Variants in ITGB3BP observed in about 807,000 individuals in gnomAD.
ITGB3BP encodes the protein integrin subunit beta 3 binding protein, also known as centromere protein R.
ITGB3BP carries 27 observed loss-of-function variants against 29.1 expected under a neutral mutation model. The ratio of observed to expected loss-of-function variants is 0.93; its 90% CI spans 0.68 to 1.28. ITGB3BP has a LOEUF of 1.28. Ranked by LOEUF, ITGB3BP falls within the 50% of genes most tolerant of loss-of-function variation. ITGB3BP has a pLI of 0.00. For missense variants in ITGB3BP, 192 were observed against 200.2 expected (o/e 0.96, Z 0.25); for synonymous variants, 61 against 61.4 (o/e 0.99, Z 0.03).
At chr1:63,509,144 T>C (rs1411479215) in intron 1 of ITGB3BP, among the ~76,000 whole-genome samples, 1 of 152,220 alleles carries the variant, frequency 6.6e-6, no homozygotes, top group East Asian at 1.9e-4. Context: ...CTATTTTTTG[T>C]TTCCTTCACT....
chr1:63,443,891 T>C (rs1218572688), intron 8 of ITGB3BP, among the ~76,000 whole-genome samples: 3 of 152,086 alleles, frequency 2.0e-5, no homozygotes, highest in Admixed American at 2.0e-4. Flanking sequence ...TTGGGGGACA[T>C]TGTATGGCAG....
upstream of ITGB3BP, among the ~76,000 whole-genome samples, chr1:63,526,355 A>G (rs1646589705): frequency 6.6e-6 from 1 of 152,184 alleles, no homozygotes; most frequent in Non-Finnish European, 1.5e-5. Flanking sequence ...TTTAGTCATG[A>G]GAGAGTAGTA....
At chr1:63,516,316 AAGAG>A (rs1646321212) in intron 1 of ITGB3BP, among the ~76,000 whole-genome samples, 1 of 103,114 alleles carries the variant, frequency 9.7e-6, no homozygotes, top group East Asian at 3.6e-4. Context: ...AAAAAAAAAA[AAGAG>A]GAGAGGGGAG....
intron 2 of ITGB3BP, among the ~76,000 whole-genome samples, chr1:63,495,977 G>C (rs1451816529): frequency 1.3e-5 from 2 of 152,072 alleles, no homozygotes; most frequent in Non-Finnish European, 2.9e-5. Context: ...TCTTGAGATA[G>C]GGAGCCGGGA....
intron 4 of ITGB3BP, among the ~76,000 whole-genome samples, chr1:63,461,270 A>AAT (rs1255919972): frequency 6.6e-6 from 1 of 150,840 alleles, no homozygotes; most frequent in African/African-American, 2.4e-5. Flanking sequence ...AAAAAAAAAA[A>AAT]AAAAAAAAAT....
At chr1:63,456,870 C>T (rs1557612120) in intron 4 of ITGB3BP, among the ~76,000 whole-genome samples, 1 of 152,158 alleles carries the variant, frequency 6.6e-6, no homozygotes, top group Non-Finnish European at 1.5e-5. Flanking sequence ...CTACTAGCAG[C>T]TCTCCTAAAT....
At chr1:63,499,955 T>C (rs1239361187) in intron 2 of ITGB3BP, among the ~76,000 whole-genome samples, 1 of 152,202 alleles carries the variant, frequency 6.6e-6, no homozygotes, top group African/African-American at 2.4e-5. Context: ...CTCTTGCCAC[T>C]TCTACTTAAT....
At chr1:63,490,522 C>T (rs575166479) in intron 2 of ITGB3BP, among the ~76,000 whole-genome samples, 2 of 152,034 alleles carry the variant, frequency 1.3e-5, no homozygotes, top group Non-Finnish European at 2.9e-5. Context: ...CCAACCATAC[C>T]CTGACTTTTG....
At chr1:63,484,698 A>G (rs1036825494) in intron 3 of ITGB3BP, among the ~76,000 whole-genome samples, 3 of 152,062 alleles carry the variant, frequency 2.0e-5, no homozygotes, top group African/African-American at 2.4e-5. Flanking sequence ...GTGCTTTATT[A>G]TATGGGTATT....
At chr1:63,512,373 C>T (rs1174011475) in intron 1 of ITGB3BP, among the ~76,000 whole-genome samples, 1 of 151,884 alleles carries the variant, frequency 6.6e-6, no homozygotes, top group Non-Finnish European at 1.5e-5. Flanking sequence ...TATTGACTAA[C>T]ATCAGTTACA....
At chr1:63,508,642 A>C (rs1409390950) in intron 1 of ITGB3BP, 72 bp from the exon 2 acceptor site, 1 of 661,434 alleles carries the variant, frequency 1.5e-6, no homozygotes, top group African/African-American at 1.9e-5. Flanking sequence ...AATTAAGGGA[A>C]GATATATAAA....
chr1:63,478,977 GT>G (rs916210178), intron 3 of ITGB3BP, 144 bp from the exon 4 acceptor site: 11 of 367,092 alleles, frequency 3.0e-5, no homozygotes, highest in South Asian at 8.7e-5. Flanking sequence ...ATCCTATTTT[GT>G]TTTTTTTCAT....
chr1:63,478,737 ATAT>A, intron 4 of ITGB3BP, 24 bp downstream of exon 4: 1 of 1,087,078 alleles, frequency 9.2e-7, no homozygotes, highest in Non-Finnish European at 1.4e-6. Flanking sequence ...AGATACACAT[ATAT>A]AATTTCAAAA....
intron 2 of ITGB3BP, among the ~76,000 whole-genome samples, chr1:63,505,331 TG>T (rs1197918490): frequency 3.9e-5 from 6 of 152,312 alleles, no homozygotes; most frequent in Admixed American, 3.9e-4. Flanking sequence ...GATGGTAGTT[TG>T]TATTTCTGTG....
chr1:63,471,995 G>C (rs1406639931), intron 4 of ITGB3BP, among the ~76,000 whole-genome samples: 8 of 151,358 alleles, frequency 5.3e-5, no homozygotes, highest in African/African-American at 1.7e-4. Flanking sequence ...ATATTGGCCA[G>C]GCTGGTCTCA....
At chr1:63,497,557 G>T (rs900550394) in intron 2 of ITGB3BP, among the ~76,000 whole-genome samples, 12 of 152,042 alleles carry the variant, frequency 7.9e-5, no homozygotes, top group South Asian at 2.1e-4. Flanking sequence ...GTCTCATCCT[G>T]GGGGGGAGAC....
intron 1 of ITGB3BP, among the ~76,000 whole-genome samples, chr1:63,511,501 T>C (rs35888445): frequency 0.24 from 36,594 of 151,918 alleles, 5,024 homozygotes; most frequent in Non-Finnish European, 0.32. Flanking sequence ...CACAGCAGCA[T>C]TGCTCACAAT....
intron 2 of ITGB3BP, among the ~76,000 whole-genome samples, chr1:63,500,688 T>C (rs1166623728): frequency 6.6e-6 from 1 of 152,200 alleles, no homozygotes; most frequent in Non-Finnish European, 1.5e-5. Context: ...TTACTATTAT[T>C]GTTAAGATTG....
intron 1 of ITGB3BP, among the ~76,000 whole-genome samples, chr1:63,514,053 T>C (rs920880248): frequency 2.0e-5 from 3 of 152,234 alleles, no homozygotes; most frequent in Admixed American, 1.3e-4. Flanking sequence ...CCATAATCTA[T>C]ACCATACACA....
Sources: gnomAD v4.1 joint callset for allele counts (sites outside exome capture counted in the v4.1 genomes callset) on GRCh38, gnomAD v4.1.1 for gene constraint, MANE v1.5 for transcripts, NCBI Gene and HGNC (gene_info 2026-07-23, HGNC 2026-07-21) for gene names.